Variants in MYH15 observed in about 807,000 individuals in gnomAD.
The protein encoded by MYH15 is myosin heavy chain 15, also known as myosin-15.
A neutral mutation model predicts 240.5 loss-of-function variants in MYH15; 227 were observed. The ratio of observed to expected loss-of-function variants is 0.94; its 90% CI spans 0.85 to 1.05. The LOEUF (loss-of-function observed/expected upper bound fraction) is 1.05, where lower values mean the gene tolerates loss of function less well. Ranked by LOEUF, MYH15 falls within the 50% of genes least tolerant of loss-of-function variation. MYH15 has a pLI of 0.00. For missense variants in MYH15, 2,217 were observed against 2,247.5 expected, an observed-to-expected ratio of 0.99 and a Z score of 0.27; for synonymous variants, 785 against 796.7, an observed-to-expected ratio of 0.99 and a Z score of 0.25.
intron 14 of MYH15, 150 bp downstream of exon 14, chr3:108,469,892 G>T: frequency 3.0e-6 from 2 of 670,698 alleles, no homozygotes; most frequent in Non-Finnish European, 2.4e-6. Context: ...CACAGGTGAT[G>T]CACACAAACA....
chr3:108,425,634 G>C (rs1328232558), intron 27 of MYH15, among the ~76,000 whole-genome samples: 1 of 152,242 alleles, frequency 6.6e-6, no homozygotes, highest in African/African-American at 2.4e-5. Flanking sequence ...CAGTGACAGA[G>C]ATGTTCAGAG....
intron 12 of MYH15, among the ~76,000 whole-genome samples, chr3:108,471,596 C>A (rs1321100344): frequency 6.6e-6 from 1 of 152,092 alleles, no homozygotes; most frequent in Non-Finnish European, 1.5e-5. Flanking sequence ...TCTTGGCCTG[C>A]CTTTAGCAAG....
chr3:108,421,013 C>G, intron 28 of MYH15, 75 bp downstream of exon 28: 2 of 1,592,298 alleles, frequency 1.3e-6, no homozygotes, highest in Non-Finnish European at 1.7e-6. Context: ...GTGGGTAGTT[C>G]ATTATCTCAG....
intron 11 of MYH15, 87 bp from the exon 12 acceptor site, chr3:108,476,602 G>T: frequency 1.2e-6 from 1 of 839,828 alleles, no homozygotes; most frequent in Non-Finnish European, 2.0e-6. Flanking sequence ...CTACCCAGAG[G>T]ACAGAAAGAT....
intron 6 of MYH15, 41 bp downstream of exon 6, chr3:108,498,011 G>T: frequency 6.4e-7 from 1 of 1,561,326 alleles, no homozygotes; most frequent in Non-Finnish European, 8.8e-7. Context: ...CCAGTGGATA[G>T]GGCCACCTCA....
intron 6 of MYH15, among the ~76,000 whole-genome samples, chr3:108,497,384 A>G (rs928089331): frequency 6.6e-6 from 1 of 152,144 alleles, no homozygotes; most frequent in African/African-American, 2.4e-5. Flanking sequence ...GAGGTCTAAC[A>G]GCTCAATAAC....
intron 35 of MYH15, among the ~76,000 whole-genome samples, chr3:108,398,173 G>A (rs968764736): frequency 2.6e-5 from 4 of 152,158 alleles, no homozygotes; most frequent in Non-Finnish European, 5.9e-5. Context: ...TATAAAAAGT[G>A]GCAATTTGGA....
At chr3:108,491,705 C>T (rs922434983) in intron 9 of MYH15, among the ~76,000 whole-genome samples, 1 of 152,088 alleles carries the variant, frequency 6.6e-6, no homozygotes, top group Non-Finnish European at 1.5e-5. Context: ...GCCGCACCCC[C>T]CACAACACAC....
chr3:108,431,764 G>A lies in MYH15; in HGVS notation c.3222-842C>T, dbSNP rs572210803. 1.2e-4 allele frequency among the ~76,000 whole-genome samples: 18 copies of A among 152,266 alleles called. 1 individual carries two copies. The highest frequency in any genetic ancestry group is 7.2e-4 in the Admixed American group (11 of 15,290). ...GGCTCAGAAGAAGAAAGGAAAATGC[G>A]GAAAGTTTGAAACTCCCTAGAGATT... is the stretch of plus-strand genomic sequence containing the variant. On this transcript the variant is annotated intron_variant, in intron 25 of 40. Coordinates refer to ENST00000693548, the MANE Select transcript of MYH15 (RefSeq NM_014981.3).
chr3:108,508,970 T>A (rs2083500502), intron 1 of MYH15, among the ~76,000 whole-genome samples: 1 of 152,148 alleles, frequency 6.6e-6, no homozygotes, highest in South Asian at 2.1e-4. Context: ...CGGACAAGTA[T>A]TATTATCTCC....
chr3:108,476,545 G>C (rs1401170465), intron 11 of MYH15, 30 bp from the exon 12 acceptor site: 1 of 1,416,704 alleles, frequency 7.1e-7, no homozygotes, highest in Non-Finnish European at 1.0e-6. Context: ...GAAAAGGAAG[G>C]AGAGAGGAAA....
chr3:108,525,493 A>G (rs908271854), intron 1 of MYH15, among the ~76,000 whole-genome samples: 5 of 152,092 alleles, frequency 3.3e-5, no homozygotes, highest in Non-Finnish European at 5.9e-5. Context: ...TTAATTGTTT[A>G]TCTCACACAT....
In MYH15 at chr3:108,464,740, T is replaced by C; in HGVS notation, c.1629A>G (p.Lys543=). 1 of 1,613,636 alleles carries C rather than the reference T, an allele frequency of 6.2e-7. No homozygotes were observed. Among genetic ancestry groups the C allele is most frequent in the Non-Finnish European group, 8.5e-7 (1 of 1,179,794 alleles). The stretch of plus-strand genomic sequence containing the variant: ...ACTTTCCAAAATGGTTGTCAAAGAG[T>C]TTGGTCTTGAAAGTCAGGTCTGTAG... The part of the protein sequence containing the change: ...PKATDLTFKT[K]LFDNHFGKSV... The change falls in exon 15 of 41, where the codon AAA becomes AAG. Residue 543 remains lysine, a synonymous_variant. Transcript: ENST00000693548.
At chr3:108,500,359 G>C (rs986824216) in intron 3 of MYH15, 85 bp from the exon 4 acceptor site, 10 of 1,398,610 alleles carry the variant, frequency 7.1e-6, no homozygotes, top group Non-Finnish European at 9.7e-6. Context: ...AGTAATATTT[G>C]CTCAAATATT....
rs569473220 is a variant in MYH15, at chr3:108,419,352, A to G, written c.3829+1736T>C. On this transcript the variant is annotated intron_variant, in intron 28 of 40. Coordinates refer to ENST00000693548, the MANE Select transcript of MYH15 (RefSeq NM_014981.3). ...CCAAAAGGTAAAGTTAAAAAAAGGA[A>G]GAAAAAAATCCTGCAGCCTAAGCAG... Among the ~76,000 whole-genome samples the G allele has an allele frequency of 3.3e-5, 5 of 152,372 alleles. No individual in the cohort carries two copies. The East Asian group carries it at 9.6e-4, about 29-fold the overall frequency.
rs746918597 is a variant in MYH15 at position 108,408,313 on chromosome 3, C to T, written c.4587G>A (p.Lys1529=). 6.2e-7 allele frequency: 1 copy of T among 1,613,414 alleles called. No homozygotes were observed. Among genetic ancestry groups the T allele is most frequent in the Non-Finnish European group, 8.5e-7 (1 of 1,179,872 alleles). Residue 1529 remains lysine (K), a synonymous_variant, in exon 32 of 41, where the codon AAG becomes AAA. Coordinates refer to ENST00000693548, the MANE Select transcript of MYH15 (RefSeq NM_014981.3). ...CTTCCAGTGTCACCTGGACTTCTGT[C>T]TTCTCTTCTTCAATTAGTTTCTTGA... ...EKVKKLIEEE[K]TEVQVTLEET... is the part of the protein sequence containing the mutation.
At chr3:108,481,536 A>G (rs2083267817) in intron 11 of MYH15, among the ~76,000 whole-genome samples, 1 of 152,174 alleles carries the variant, frequency 6.6e-6, no homozygotes, top group Admixed American at 6.5e-5. Flanking sequence ...TTTTCTAATA[A>G]GGTAACATCC....
At chr3:108,514,805 C>T (rs2083547904), upstream of MYH15, among the ~76,000 whole-genome samples, 1 of 152,090 alleles carries the variant, frequency 6.6e-6, no homozygotes, top group African/African-American at 2.4e-5. Flanking sequence ...ACGTTCCTCA[C>T]ATTATTGTTT....
In MYH15 at chr3:108,498,008, A is replaced by G. The variant is rs370789895; in HGVS notation, c.618+44T>C. The G allele has an allele frequency of 1.0e-5, 16 of 1,554,012 alleles. No individual in the cohort carries two copies. In the African/African-American group the frequency reaches 2.2e-4, roughly 21 times the overall value. On this transcript the variant is annotated intron_variant, in intron 6 of 40. Transcript: ENST00000693548. ...GGACACAACCTCCATGATCCAGTGG[A>G]TAGGGCCACCTCATCTTTTCTACCA...
Sources: allele counts gnomAD v4.1 joint callset (sites outside exome capture counted in the v4.1 genomes callset), GRCh38; gene constraint gnomAD v4.1.1; transcripts MANE v1.5; gene names NCBI Gene and HGNC (gene_info 2026-07-23, HGNC 2026-07-21).